CNTN3: variants seen among roughly 807,000 people sequenced by gnomAD.
CNTN3 encodes contactin 3.
In CNTN3, 60 loss-of-function variants were observed where a neutral mutation model predicts 119.1. The observed-to-expected ratio is 0.50, with a 90% CI of 0.41 to 0.62. The LOEUF is 0.62. CNTN3 is among the 20% of genes least tolerant of loss of function. CNTN3 has a pLI of 0.00. For synonymous variants in CNTN3, 450 were observed against 438.7 expected (o/e 1.03, Z -0.32); for missense variants, 1,101 against 1,242.4 (o/e 0.89, Z 1.71).
At chr3:74,360,610 T>C (rs72894343) in intron 11 of CNTN3, among the ~76,000 whole-genome samples, 277 of 152,298 alleles carry the variant, frequency 1.8e-3, no homozygotes, top group African/African-American at 6.5e-3. Context: ...AAGTTCAGTA[T>C]AGGTCTCACT....
intron 5 of CNTN3, among the ~76,000 whole-genome samples, chr3:74,422,748 T>C (rs1312106332): frequency 6.6e-6 from 1 of 152,230 alleles, no homozygotes; most frequent in East Asian, 1.9e-4. Flanking sequence ...TTATGTTCAT[T>C]TGAGACAATA....
At chr3:74,412,214 G>A (rs1463338937) in intron 5 of CNTN3, among the ~76,000 whole-genome samples, 1 of 152,100 alleles carries the variant, frequency 6.6e-6, no homozygotes, top group Non-Finnish European at 1.5e-5. Context: ...GTATTTATGT[G>A]TAATAGAATC....
At chr3:74,437,448 C>T (rs958570591) in intron 4 of CNTN3, among the ~76,000 whole-genome samples, 10 of 151,824 alleles carry the variant, frequency 6.6e-5, no homozygotes, top group South Asian at 2.1e-4. Flanking sequence ...GGTGACAGCG[C>T]GAGACTCTGT....
At chr3:74,533,284 T>C (rs1195549353) in intron 1 of CNTN3, among the ~76,000 whole-genome samples, 1 of 152,056 alleles carries the variant, frequency 6.6e-6, no homozygotes, top group Non-Finnish European at 1.5e-5. Flanking sequence ...CTCTTAACTC[T>C]GAAACTACTC....
intron 2 of CNTN3, among the ~76,000 whole-genome samples, chr3:74,509,963 T>C (rs1703335562): frequency 6.6e-6 from 1 of 151,858 alleles, no homozygotes; most frequent in Non-Finnish European, 1.5e-5. Flanking sequence ...TTTCAGAAGA[T>C]AGTGACCATA....
chr3:74,285,304 C>G lies in CNTN3; in HGVS notation c.2704+1G>C, dbSNP rs763671270. ...ATTCAAAGAAATCAGAATATACTTACGCGTTTTCTTGGTGGTTACATTAAC... is the reference window on the plus strand; with the variant it reads ...ATTCAAAGAAATCAGAATATACTTAGGCGTTTTCTTGGTGGTTACATTAAC... On this transcript the variant is annotated splice_donor_variant, in intron 20 of 22. Coordinates refer to ENST00000263665, the MANE Select transcript of CNTN3 (RefSeq NM_020872.3). LOFTEE classifies it high-confidence loss of function. 1.2e-6 allele frequency: 2 copies of G among 1,600,040 alleles called. No individual in the cohort carries two copies. Among genetic ancestry groups the G allele is most frequent in the Non-Finnish European group, 8.5e-7 (1 of 1,175,064 alleles).
intron 14 of CNTN3, 23 bp downstream of exon 14, chr3:74,302,667 T>C (rs1168020398): frequency 7.0e-7 from 1 of 1,425,716 alleles, no homozygotes; most frequent in Non-Finnish European, 9.9e-7. Flanking sequence ...AGTGACAAAC[T>C]CAAGGGGGCA....
intron 4 of CNTN3, among the ~76,000 whole-genome samples, chr3:74,437,752 CT>C (rs141512906): frequency 2.6e-5 from 4 of 151,828 alleles, no homozygotes; most frequent in Non-Finnish European, 4.4e-5. Context: ...CAAAACTACA[CT>C]TTTTTTTCCC....
intron 11 of CNTN3, among the ~76,000 whole-genome samples, chr3:74,351,238 G>A (rs551328634): frequency 9.2e-5 from 14 of 152,298 alleles, no homozygotes; most frequent in East Asian, 3.9e-4. Context: ...TTAAAAAGGC[G>A]GGGGTCCCAC....
chr3:74,385,850 A>C (rs766953307), intron 5 of CNTN3, among the ~76,000 whole-genome samples: 2 of 152,214 alleles, frequency 1.3e-5, no homozygotes, highest in Non-Finnish European at 2.9e-5. Context: ...ACTTCAGCCA[A>C]ATAGTGTTCC....
chr3:74,284,310 TAA>T (rs1237535368), intron 20 of CNTN3, among the ~76,000 whole-genome samples: 1 of 152,148 alleles, frequency 6.6e-6, no homozygotes, highest in Non-Finnish European at 1.5e-5. Context: ...CATTCTTACA[TAA>T]AGTTAGTTAA....
chr3:74,264,363 C>A lies in CNTN3; in HGVS notation c.*38G>T. ...TCATGAAAGCACTTTTTTTGGTAAC[C>A]AAATAACTTTCCAATAAATAATAAA... On this transcript the variant is annotated 3_prime_UTR_variant, in exon 23 of 23. Transcript: ENST00000263665. The A allele has an allele frequency of 8.2e-7, 1 of 1,224,250 alleles. No individual in the cohort carries two copies. The allele number at this position is 1,224,250 out of a possible 1,614,324, so 75.8% of individuals were successfully genotyped here. A position where few individuals can be genotyped will look rare whatever the true frequency, so the allele number is the denominator to read the frequency against.
chr3:74,327,888 T>C (rs1703169330), intron 13 of CNTN3, among the ~76,000 whole-genome samples: 1 of 151,824 alleles, frequency 6.6e-6, no homozygotes. Flanking sequence ...TTTTGTGTTT[T>C]TACATTTCTT....
chr3:74,288,309 C>A (rs1046563795), intron 19 of CNTN3, among the ~76,000 whole-genome samples: 1 of 151,848 alleles, frequency 6.6e-6, no homozygotes, highest in Non-Finnish European at 1.5e-5. Flanking sequence ...TAGGTGCCTG[C>A]CACTATGCCT....
At chr3:74,601,842 A>T (rs1704915840) in intron 1 of CNTN3, among the ~76,000 whole-genome samples, 1 of 152,122 alleles carries the variant, frequency 6.6e-6, no homozygotes, top group African/African-American at 2.4e-5. Context: ...TTTGCCTCTT[A>T]TCTCTTTGCA....
intron 4 of CNTN3, among the ~76,000 whole-genome samples, chr3:74,470,980 G>T (rs573368576): frequency 3.9e-4 from 59 of 152,036 alleles, no homozygotes; most frequent in African/African-American, 1.4e-3. Context: ...GGGTTCAAGC[G>T]ATTCTCCTGC....
intron 5 of CNTN3, among the ~76,000 whole-genome samples, chr3:74,380,432 A>G (rs745542508): frequency 6.6e-6 from 1 of 152,242 alleles, no homozygotes; most frequent in Non-Finnish European, 1.5e-5. Context: ...CTTCAGTGAC[A>G]GTAAATAACA....
chr3:74,579,051 A>T (rs1398996750), intron 1 of CNTN3, among the ~76,000 whole-genome samples: 3 of 152,040 alleles, frequency 2.0e-5, no homozygotes, highest in African/African-American at 7.2e-5. Flanking sequence ...GTCTTGAAAA[A>T]AAAGAGGTTG....
At chr3:74,356,257 T>C (rs1292778134) in intron 11 of CNTN3, among the ~76,000 whole-genome samples, 1 of 152,066 alleles carries the variant, frequency 6.6e-6, no homozygotes, top group Non-Finnish European at 1.5e-5. Context: ...ACTTCCATTA[T>C]TTATAAATTA....
Sources: gnomAD v4.1 joint callset for allele counts (sites outside exome capture counted in the v4.1 genomes callset) on GRCh38, gnomAD v4.1.1 for gene constraint, MANE v1.5 for transcripts, NCBI Gene and HGNC (gene_info 2026-07-23, HGNC 2026-07-21) for gene names.